The following NYAP2 variants were observed in gnomAD, a reference collection of about 807,000 sequenced individuals.
The protein encoded by NYAP2 is neuronal tyrosine-phosphorylated phosphoinositide-3-kinase adapter 2.
In NYAP2, 23 loss-of-function variants were observed where a neutral mutation model predicts 50.4. The observed-to-expected ratio is 0.46, with a 90% confidence interval of 0.33 to 0.65. NYAP2 has a LOEUF of 0.65. Among genes scored for constraint, NYAP2 ranks in the 30% least tolerant of loss-of-function variants. NYAP2 has a pLI of 0.02. For missense variants in NYAP2, 885 were observed against 861.0 expected, an observed-to-expected ratio of 1.03 and a Z score of -0.35; for synonymous variants, 394 against 365.2, an observed-to-expected ratio of 1.08 and a Z score of -0.90.
chr2:225,700,699 A>T, the NYAP2 span: 1 of 151,860 alleles, frequency 6.6e-6, no homozygotes, highest in Non-Finnish European at 1.5e-5. Context: ...TTACGTATAT[A>T]TTCAGGCTCA....
At chr2:225,633,782 AC>A (rs1417546761) in intron 6 of NYAP2, among the ~76,000 whole-genome samples, 4 of 152,258 alleles carry the variant, frequency 2.6e-5, no homozygotes, top group African/African-American at 9.6e-5. Flanking sequence ...CCCAGATTTA[AC>A]TGCTATTATG....
chr2:225,483,582 GCA>G (rs138841849), intron 3 of NYAP2, among the ~76,000 whole-genome samples: 1,896 of 151,446 alleles, frequency 0.013, 44 homozygotes, highest in African/African-American at 0.044. Context: ...AGACGTGTGT[GCA>G]CACACACACA....
intron 6 of NYAP2, among the ~76,000 whole-genome samples, chr2:225,631,817 TTTG>T (rs1693320855): frequency 6.6e-6 from 1 of 152,122 alleles, no homozygotes; most frequent in Admixed American, 6.6e-5. Context: ...TTTGTTTTGT[TTTG>T]TTTTGTTCTG....
At chr2:225,631,029 A>G (rs1279605091) in intron 6 of NYAP2, among the ~76,000 whole-genome samples, 1 of 152,264 alleles carries the variant, frequency 6.6e-6, no homozygotes, top group East Asian at 1.9e-4. Context: ...TGGTTAGAAC[A>G]GTAAGACTGG....
In NYAP2 at chr2:225,426,708, C is replaced by T. The variant is rs548244082; in HGVS notation, c.221+17607C>T. ...ATTTGTTCACTTTTAATAAGACAAG[C>T]GAAGAGATAACATATTAGTACAGTT... is the stretch of plus-strand genomic sequence containing the variant. On this transcript the variant is annotated intron_variant, in intron 3 of 6. Transcript: ENST00000636099. 2.2e-4 allele frequency among the ~76,000 whole-genome samples: 34 copies of T among 152,180 alleles called. No individual in the cohort carries two copies. In the South Asian group the frequency reaches 5.2e-3, roughly 23 times the overall value.
chr2:225,520,799 A>G (rs1361252021), intron 4 of NYAP2, among the ~76,000 whole-genome samples: 2 of 152,062 alleles, frequency 1.3e-5, no homozygotes, highest in Non-Finnish European at 2.9e-5. Flanking sequence ...GTTTTTTCCA[A>G]TTCTGTGAAG....
chr2:225,697,455 C>G, the NYAP2 span, among the ~76,000 whole-genome samples: 1 of 151,930 alleles, frequency 6.6e-6, no homozygotes, highest in Non-Finnish European at 1.5e-5. Flanking sequence ...CATTTACATT[C>G]TAAGCATATG....
chr2:225,483,051 G>A (rs1159298464), intron 3 of NYAP2, among the ~76,000 whole-genome samples: 1 of 152,002 alleles, frequency 6.6e-6, no homozygotes, highest in Non-Finnish European at 1.5e-5. Context: ...ATTCTGTACT[G>A]GTAATTTATA....
At chr2:225,443,953 T>C (rs544932571) in intron 3 of NYAP2, among the ~76,000 whole-genome samples, 2 of 152,268 alleles carry the variant, frequency 1.3e-5, no homozygotes, top group African/African-American at 2.4e-5. Flanking sequence ...CCCCAAGAAG[T>C]TTTATACATT....
At chr2:225,668,806 C>T in the NYAP2 span, among the ~76,000 whole-genome samples, 1 of 152,058 alleles carries the variant, frequency 6.6e-6, no homozygotes, top group Non-Finnish European at 1.5e-5. Context: ...CAGTTCATCA[C>T]CACTAGAGGG....
chr2:225,526,746 G>A (rs2106194442), intron 4 of NYAP2, among the ~76,000 whole-genome samples: 1 of 152,236 alleles, frequency 6.6e-6, no homozygotes, highest in East Asian at 1.9e-4. Context: ...TACTAATAAA[G>A]CACAAAGAAG....
At chr2:225,412,723 G>T (rs1328944558) in intron 3 of NYAP2, among the ~76,000 whole-genome samples, 1 of 152,160 alleles carries the variant, frequency 6.6e-6, no homozygotes, top group Admixed American at 6.6e-5. Flanking sequence ...TACAGTTAAA[G>T]CTGCCAAGTG....
chr2:225,651,374 A>G (rs1693729137), intron 6 of NYAP2, 58 bp from the exon 7 acceptor site: 1 of 1,607,096 alleles, frequency 6.2e-7, no homozygotes, highest in African/African-American at 1.3e-5. Context: ...CTGAAAAGCC[A>G]CTTCATTATT....
At chr2:225,603,454 A>G (rs1358569467) in intron 5 of NYAP2, among the ~76,000 whole-genome samples, 1 of 152,056 alleles carries the variant, frequency 6.6e-6, no homozygotes, top group Non-Finnish European at 1.5e-5. Context: ...AGAACTGAGC[A>G]TTTCATTTTA....
intron 4 of NYAP2, among the ~76,000 whole-genome samples, chr2:225,521,075 G>T (rs1240976354): frequency 2.1e-5 from 3 of 141,892 alleles, no homozygotes; most frequent in Non-Finnish European, 4.5e-5. Flanking sequence ...CTCTCTGTTT[G>T]TCTGTTCTTG....
chr2:225,507,015 A>G (rs781085668), intron 3 of NYAP2, among the ~76,000 whole-genome samples: 16 of 152,138 alleles, frequency 1.1e-4, no homozygotes, highest in Admixed American at 2.0e-4. Flanking sequence ...TTTGAGCTCA[A>G]CTCCAAAATA....
At position 225,582,734 on chromosome 2, in the gene NYAP2, C is replaced by T. The variant is rs375542974; in HGVS notation, c.1317C>T (p.Pro439=). ...AAAGTCACTCCACCTCTCCCTCCCC[C>T]GTCAGCATGGGGAGGTCCCTGACTC... The change falls in exon 5 of 7, where the codon CCC becomes CCT. Residue 439 remains proline, a synonymous_variant. Transcript: ENST00000636099. The surrounding 1 kb of genome is among the most constrained non-coding windows in gnomAD (Gnocchi z 7.0). 35 of 1,611,912 alleles carry T rather than the reference C, an allele frequency of 2.2e-5. No individual in the cohort carries two copies. The East Asian group carries it at 6.0e-4, about 28-fold the overall frequency.
chr2:225,689,351 T>A, the NYAP2 span, among the ~76,000 whole-genome samples: 1 of 152,308 alleles, frequency 6.6e-6, no homozygotes, highest in East Asian at 1.9e-4. Context: ...GTGACTTTTA[T>A]GTAATTGGTA....
At chr2:225,600,442 G>A (rs1473324244) in intron 5 of NYAP2, among the ~76,000 whole-genome samples, 4 of 152,146 alleles carry the variant, frequency 2.6e-5, no homozygotes, top group African/African-American at 9.7e-5. Context: ...TCCTACAAAG[G>A]CAGTCTAATC....
Sources: allele counts gnomAD v4.1 joint callset (sites outside exome capture counted in the v4.1 genomes callset), GRCh38; gene constraint gnomAD v4.1.1; non-coding constraint Gnocchi (gnomAD v3.1); transcripts MANE v1.5; gene names NCBI Gene and HGNC (gene_info 2026-07-23, HGNC 2026-07-21).